ZNF407: variants seen among roughly 807,000 people sequenced by gnomAD.
The protein encoded by ZNF407 is zinc finger protein 407.
A neutral mutation model predicts 131.2 loss-of-function variants in ZNF407; 17 were observed. The observed-to-expected ratio is 0.13, with a 90% CI of 0.09 to 0.19. The LOEUF (loss-of-function observed/expected upper bound fraction) is 0.19. ZNF407 is among the 10% of genes least tolerant of loss of function. The pLI, the probability that ZNF407 is intolerant of heterozygous loss-of-function variation, is 1.00. For missense variants in ZNF407, 2,681 were observed against 2,830.6 expected, an observed-to-expected ratio of 0.95 and a Z score of 1.20; for synonymous variants, 1,156 against 1,062.0, an observed-to-expected ratio of 1.09 and a Z score of -1.72.
rs182108246 is a variant in ZNF407, at chr18:74,610,410, G to A, written c.-54+12473G>A. ...CTCTCCCTCTCGGTCTCTCTTGTGC[G>A]TGCATGCGTGCAAGCAGCTTACCCT... On this transcript the variant is annotated intron_variant, in intron 1 of 8. Coordinates refer to ENST00000299687, the MANE Select transcript of ZNF407 (RefSeq NM_017757.3). Among the ~76,000 whole-genome samples, 278 of 152,108 alleles carry A rather than the reference G, an allele frequency of 1.8e-3. 5 individuals carry two copies. Among genetic ancestry groups the A allele is most frequent in the African/African-American group, 5.8e-3 (239 of 41,470 alleles).
intron 7 of ZNF407, among the ~76,000 whole-genome samples, chr18:74,890,539 T>TA (rs1971370350): frequency 1.3e-5 from 2 of 152,224 alleles, no homozygotes; most frequent in Non-Finnish European, 2.9e-5. Flanking sequence ...ACTTTTATCT[T>TA]ACAACTGCTT....
Position 75,029,007 on chromosome 18 carries a change from A to G in ZNF407, c.5429-34143A>G, listed in dbSNP as rs536493184. On this transcript the variant is annotated intron_variant, in intron 8 of 8. Coordinates refer to ENST00000299687, the MANE Select transcript of ZNF407 (RefSeq NM_017757.3). ...TGCCCACAGAATATCCTTCTGCTGT[A>G]TGTTCAGGTGCCTTTGTTGTAGTCA... 2.0e-5 allele frequency among the ~76,000 whole-genome samples: 3 copies of G among 152,326 alleles called. No homozygotes were observed. The South Asian group carries it at 6.2e-4, about 32-fold the overall frequency.
chr18:74,959,403 C>G (rs1972313403), intron 8 of ZNF407, among the ~76,000 whole-genome samples: 1 of 152,178 alleles, frequency 6.6e-6, no homozygotes, highest in Non-Finnish European at 1.5e-5. Context: ...TTTAGTCCTC[C>G]TGATTCTAAC....
intron 4 of ZNF407, among the ~76,000 whole-genome samples, chr18:74,872,229 G>A (rs995766622): frequency 6.8e-6 from 1 of 146,340 alleles, no homozygotes; most frequent in African/African-American, 2.6e-5. Context: ...GCACATGGAC[G>A]ACCTAGGTTT....
intron 8 of ZNF407, among the ~76,000 whole-genome samples, chr18:74,937,293 T>C (rs769959154): frequency 1.3e-5 from 2 of 152,210 alleles, no homozygotes; most frequent in Non-Finnish European, 2.9e-5. Flanking sequence ...TTGCCAGATA[T>C]GAGGCTGTTT....
At chr18:74,767,411 TTACAGATTATATTCTGTTCTATA>T (rs1405118296) in intron 3 of ZNF407, among the ~76,000 whole-genome samples, 2 of 152,198 alleles carry the variant, frequency 1.3e-5, no homozygotes, top group East Asian at 1.9e-4. Context: ...CTGCTGAATA[TTACAGATTATATTCTGTTCTATA>T]TACAGATTAT....
At chr18:74,738,932 A>C (rs1274292942) in intron 3 of ZNF407, among the ~76,000 whole-genome samples, 6 of 152,198 alleles carry the variant, frequency 3.9e-5, no homozygotes, top group Non-Finnish European at 8.8e-5. Context: ...TAAAGAAAAT[A>C]TATGAAATTT....
At chr18:75,054,261 T>C (rs1173417955) in intron 8 of ZNF407, among the ~76,000 whole-genome samples, 1 of 152,268 alleles carries the variant, frequency 6.6e-6, no homozygotes, top group Non-Finnish European at 1.5e-5. Flanking sequence ...GTTAGTGTTT[T>C]ACCCCAGCCG....
chr18:74,959,300 A>T (rs1870498326), intron 8 of ZNF407, among the ~76,000 whole-genome samples: 1 of 152,210 alleles, frequency 6.6e-6, no homozygotes, highest in Admixed American at 6.5e-5. Context: ...CAGTATTGTC[A>T]TGACAATCGT....
At chr18:74,636,697 G>A (rs1984479159) in intron 2 of ZNF407, among the ~76,000 whole-genome samples, 1 of 152,190 alleles carries the variant, frequency 6.6e-6, no homozygotes, top group Non-Finnish European at 1.5e-5. Flanking sequence ...TACTAGTTTA[G>A]GGTGATTAAA....
chr18:74,760,345 G>A (rs1220755947), intron 3 of ZNF407, among the ~76,000 whole-genome samples: 1 of 152,126 alleles, frequency 6.6e-6, no homozygotes, highest in African/African-American at 2.4e-5. Flanking sequence ...AGATGCTATG[G>A]AAGATTATTA....
At chr18:74,916,553 GT>G (rs1971768962) in intron 7 of ZNF407, among the ~76,000 whole-genome samples, 1 of 59,198 alleles carries the variant, frequency 1.7e-5, no homozygotes, top group African/African-American at 5.8e-5. Context: ...CGAATCGGGA[GT>G]GTGTGTGTGT....
At chr18:74,900,187 A>G (rs1447619637) in intron 7 of ZNF407, among the ~76,000 whole-genome samples, 1 of 152,172 alleles carries the variant, frequency 6.6e-6, no homozygotes, top group African/African-American at 2.4e-5. Flanking sequence ...GCTAATAGTT[A>G]GATCCTCTGA....
intron 3 of ZNF407, among the ~76,000 whole-genome samples, chr18:74,664,061 A>G (rs1031102330): frequency 1.5e-4 from 23 of 152,212 alleles, no homozygotes; most frequent in African/African-American, 5.5e-4. Flanking sequence ...GGCCAGGTGC[A>G]GCTCGCCATT....
intron 4 of ZNF407, among the ~76,000 whole-genome samples, chr18:74,857,825 T>C (rs575709981): frequency 7.8e-4 from 118 of 152,244 alleles, no homozygotes; most frequent in African/African-American, 2.8e-3. Context: ...ATGTATCTTA[T>C]GATATCTCTT....
chr18:74,638,783 G>T (rs1443731611), intron 2 of ZNF407, among the ~76,000 whole-genome samples: 1 of 152,172 alleles, frequency 6.6e-6, no homozygotes, highest in Non-Finnish European at 1.5e-5. Context: ...AAATGTACCT[G>T]AGAGAAATAT....
At chr18:74,962,759 T>G (rs1479537124) in intron 8 of ZNF407, among the ~76,000 whole-genome samples, 1 of 152,246 alleles carries the variant, frequency 6.6e-6, no homozygotes, top group African/African-American at 2.4e-5. Context: ...GTGGACACAG[T>G]GCCCTACCTA....
chr18:74,927,693 C>A (rs1381050135), intron 8 of ZNF407, among the ~76,000 whole-genome samples: 1 of 152,094 alleles, frequency 6.6e-6, no homozygotes, highest in Non-Finnish European at 1.5e-5. Flanking sequence ...AAATTGTATT[C>A]TTTTAAGAAA....
intron 3 of ZNF407, among the ~76,000 whole-genome samples, chr18:74,747,920 A>G (rs1021423968): frequency 2.0e-5 from 3 of 152,150 alleles, no homozygotes; most frequent in Non-Finnish European, 4.4e-5. Flanking sequence ...TTTAAAATGA[A>G]TCTAAGTGAA....
Sources: gnomAD v4.1 joint callset for allele counts (sites outside exome capture counted in the v4.1 genomes callset) on GRCh38, gnomAD v4.1.1 for gene constraint, MANE v1.5 for transcripts, NCBI Gene and HGNC (gene_info 2026-07-23, HGNC 2026-07-21) for gene names.